The following IFRD1 variants were observed in gnomAD, a reference collection of about 807,000 sequenced individuals.
The protein encoded by IFRD1 is interferon-related developmental regulator 1.
A neutral mutation model predicts 52.9 loss-of-function variants in IFRD1; 35 were observed. The observed-to-expected ratio is 0.66, with a 90% CI of 0.51 to 0.88. The LOEUF is 0.88. Ranked by LOEUF, IFRD1 falls within the 40% of genes least tolerant of loss-of-function variation. IFRD1 has a pLI of 0.00. For synonymous variants in IFRD1, 184 were observed against 188.4 expected (o/e 0.98, Z 0.19); for missense variants, 517 against 550.8 (o/e 0.94, Z 0.61).
At chr7:112,463,022 A>G (rs1434870572) in intron 8 of IFRD1, among the ~76,000 whole-genome samples, 2 of 152,182 alleles carry the variant, frequency 1.3e-5, no homozygotes, top group Admixed American at 6.6e-5. Context: ...ATCTCGGGCA[A>G]ACTGGGTCAT....
intron 1 of IFRD1, among the ~76,000 whole-genome samples, chr7:112,443,290 C>G (rs961792628): frequency 6.6e-6 from 1 of 152,078 alleles, no homozygotes; most frequent in African/African-American, 2.4e-5. Context: ...AAGCTGGGAA[C>G]AAGAACTGGT....
At chr7:112,462,760 T>G (rs1795473625) in intron 8 of IFRD1, among the ~76,000 whole-genome samples, 1 of 152,170 alleles carries the variant, frequency 6.6e-6, no homozygotes, top group African/African-American at 2.4e-5. Flanking sequence ...AATAAAATAT[T>G]AAGTCAGCAT....
intron 5 of IFRD1, among the ~76,000 whole-genome samples, chr7:112,459,770 G>A (rs937264520): frequency 2.0e-5 from 3 of 152,112 alleles, no homozygotes; most frequent in East Asian, 1.9e-4. Flanking sequence ...AGGTTCTCTC[G>A]ATATGGCAGC....
Position 112,475,470 on chromosome 7 carries a change from C to G in IFRD1, c.1307C>G (p.Ala436Gly). ...NSAAFKARTK[A>G]RSKCRDKRAD... ...GCAGCCTTCAAAGCTCGAACCAAAG[C>G]TAGAAGCAAATGTCGAGATAAGAGA... The change falls in exon 12 of 12, where the codon GCT becomes GGT. Residue 436 changes from alanine (A) to glycine (G), a missense_variant. By Grantham distance (60) the Ala-to-Gly change is moderately conservative. Coordinates refer to ENST00000403825, the MANE Select transcript of IFRD1 (RefSeq NM_001550.4). 6.2e-7 allele frequency: 1 copy of G among 1,612,696 alleles called. No individual in the cohort carries two copies. The highest frequency in any genetic ancestry group is 8.5e-7 in the Non-Finnish European group (1 of 1,179,098).
intron 1 of IFRD1, among the ~76,000 whole-genome samples, chr7:112,427,807 A>G (rs1240011088): frequency 6.6e-6 from 1 of 152,248 alleles, no homozygotes; most frequent in Non-Finnish European, 1.5e-5. Flanking sequence ...TGAGACCTAC[A>G]TTCTGTGAAG....
chr7:112,427,559 A>C (rs1449828392), intron 1 of IFRD1, among the ~76,000 whole-genome samples: 1 of 152,242 alleles, frequency 6.6e-6, no homozygotes, highest in African/African-American at 2.4e-5. Flanking sequence ...AAGGAATATG[A>C]ATTCATTGTA....
chr7:112,454,559 G>C lies in IFRD1; in HGVS notation c.95-1204G>C, dbSNP rs114293011. Among the ~76,000 whole-genome samples the C allele has an allele frequency of 5.1e-3, 775 of 152,182 alleles. 6 individuals carry two copies. The highest frequency in any genetic ancestry group is 0.018 in the African/African-American group (743 of 41,510). On this transcript the variant is annotated intron_variant, in intron 1 of 11. Coordinates refer to ENST00000403825, the MANE Select transcript of IFRD1 (RefSeq NM_001550.4). Reference sequence around the variant, plus strand: ...CCCTTAAAGGTAGTTTATCTGATAGGCTTTTATACTATATCAAATACCAAA... The same window carrying C: ...CCCTTAAAGGTAGTTTATCTGATAGCCTTTTATACTATATCAAATACCAAA...
At chr7:112,460,143 C>CT (rs34454009) in intron 5 of IFRD1, among the ~76,000 whole-genome samples, 2 of 149,556 alleles carry the variant, frequency 1.3e-5, no homozygotes, top group Admixed American at 6.7e-5. Context: ...CATTTAAAGA[C>CT]TTTTTTTTCC....
chr7:112,462,938 G>T (rs943026017), intron 8 of IFRD1, among the ~76,000 whole-genome samples: 3 of 152,148 alleles, frequency 2.0e-5, no homozygotes, highest in African/African-American at 7.2e-5. Flanking sequence ...GTGATAGTTT[G>T]ATCAGTCGAC....
intron 1 of IFRD1, chr7:112,452,191 G>A (rs920582065): frequency 2.3e-6 from 2 of 861,166 alleles, no homozygotes; most frequent in South Asian, 1.1e-4. Flanking sequence ...AGGGAGTCTG[G>A]CTCTGTCGCC....
intron 1 of IFRD1, among the ~76,000 whole-genome samples, chr7:112,436,782 G>C (rs61336858): frequency 0.011 from 1,602 of 152,108 alleles, 24 homozygotes; most frequent in African/African-American, 0.035. Context: ...TTCTAGACTT[G>C]CTGGCCACCT....
intron 1 of IFRD1, chr7:112,435,332 A>C (rs2117236349): frequency 6.6e-6 from 1 of 152,328 alleles, no homozygotes; most frequent in Admixed American, 6.5e-5. Flanking sequence ...CAGACAGTGA[A>C]GATTCCCAGG....
intron 9 of IFRD1, among the ~76,000 whole-genome samples, 162 bp from the exon 10 acceptor site, chr7:112,472,057 G>A (rs996799244): frequency 6.6e-6 from 1 of 152,124 alleles, no homozygotes; most frequent in Non-Finnish European, 1.5e-5. Flanking sequence ...CTTACATACA[G>A]GATAGCAACA....
At chr7:112,450,945 C>T (rs139779771) in intron 1 of IFRD1, 163 bp downstream of exon 1, 3 of 662,064 alleles carry the variant, frequency 4.5e-6, no homozygotes, top group South Asian at 3.5e-5. Context: ...GTGCCCTGGG[C>T]GCTGCTCCTC....
intron 1 of IFRD1, among the ~76,000 whole-genome samples, chr7:112,451,509 T>G (rs1795165010): frequency 1.3e-5 from 2 of 152,314 alleles, no homozygotes; most frequent in South Asian, 4.1e-4. Flanking sequence ...ATTCTATATG[T>G]TCTCTGCAGT....
chr7:112,455,819 A>G lies in IFRD1; in HGVS notation c.151A>G (p.Met51Val), dbSNP rs1424898298. ...TGATGAAGATGCATCAATTGAAACA[A>G]TGAGCCATTGCAGTGGTTATAGCGA... ...FSDEDASIET[M>V]SHCSGYSDPS... The change falls in exon 2 of 12, where the codon ATG (methionine) becomes GTG (valine). Residue 51 changes from methionine to valine, a missense_variant. Physicochemically the swap from Met to Val is conservative, Grantham distance 21 (BLOSUM62 1). Coordinates refer to ENST00000403825, the MANE Select transcript of IFRD1 (RefSeq NM_001550.4). The G allele has an allele frequency of 8.1e-6, 13 of 1,613,446 alleles. No individual in the cohort carries two copies. The highest frequency in any genetic ancestry group is 3.3e-5 in the South Asian group (3 of 91,072).
chr7:112,463,883 CACACACACA>C (rs772446008), intron 8 of IFRD1, among the ~76,000 whole-genome samples: 21 of 95,038 alleles, frequency 2.2e-4, no homozygotes, highest in African/African-American at 1.2e-3. Flanking sequence ...CACACACACA[CACACACACA>C]CACCCCACGT....
chr7:112,459,132 T>C lies in IFRD1; in HGVS notation c.567+114T>C, dbSNP rs1007948985. On this transcript the variant is annotated intron_variant, in intron 5 of 11. Coordinates refer to ENST00000403825, the MANE Select transcript of IFRD1 (RefSeq NM_001550.4). ...GGCTGAGGCAAGAGAGAGGATCTTG[T>C]AAGTCCAGGAGTTTGAGGCAGCGGT... 1.3e-5 allele frequency: 12 copies of C among 908,896 alleles called. No homozygotes were observed. The African/African-American group carries it at 2.0e-4, about 15-fold the overall frequency. The allele number at this position is 908,896 out of a possible 1,614,324, so 56.3% of individuals were successfully genotyped here.
intron 1 of IFRD1, among the ~76,000 whole-genome samples, chr7:112,451,588 C>T (rs1795168022): frequency 1.3e-5 from 2 of 152,138 alleles, no homozygotes; most frequent in African/African-American, 4.8e-5. Context: ...TTATTGTGCC[C>T]TCGCTACGAA....
Sources: allele counts gnomAD v4.1 joint callset (sites outside exome capture counted in the v4.1 genomes callset), GRCh38; gene constraint gnomAD v4.1.1; transcripts MANE v1.5; gene names NCBI Gene and HGNC (gene_info 2026-07-23, HGNC 2026-07-21).